The following GRIK2 variants were observed in gnomAD, a reference collection of about 807,000 sequenced individuals.
The protein encoded by GRIK2 is glutamate receptor ionotropic, kainate 2.
Under a neutral mutation model 100.3 loss-of-function variants are expected in GRIK2, and 32 were observed. That is an observed-to-expected ratio of 0.32 (90% CI 0.24 to 0.43). GRIK2 has a LOEUF of 0.43. Ranked by LOEUF, GRIK2 falls within the 20% of genes least tolerant of loss-of-function variation. GRIK2 has a pLI of 1.00. For synonymous variants in GRIK2, 417 were observed against 389.4 expected (o/e 1.07, Z -0.83); for missense variants, 843 against 1,114.9 (o/e 0.76, Z 3.47).
Position 101,834,192 on chromosome 6 carries a change from CTCTT to C in GRIK2, c.1317+15713_1317+15716del, listed in dbSNP as rs1167087784. Among the ~76,000 whole-genome samples, 3 of 151,946 alleles carry C rather than the reference CTCTT, an allele frequency of 2.0e-5. No homozygotes were observed. In the East Asian group the frequency reaches 5.8e-4, roughly 29 times the overall value. On this transcript the variant is annotated intron_variant, in intron 10 of 16. Coordinates refer to ENST00000369134, the MANE Select transcript of GRIK2 (RefSeq NM_021956.5). ...ATTTTATAATCTCAATTTACTGAAT[CTCTT>C]TCTCACATAAAATTCTTTGAGGCTT...
chr6:101,764,509 GAAGA>G (rs1777924913), intron 7 of GRIK2, among the ~76,000 whole-genome samples: 1 of 151,980 alleles, frequency 6.6e-6, no homozygotes, highest in Non-Finnish European at 1.5e-5. Context: ...GTGAGAGAAT[GAAGA>G]AATATGTGAA....
chr6:101,912,859 T>C (rs1268850613), intron 12 of GRIK2, among the ~76,000 whole-genome samples: 1 of 151,610 alleles, frequency 6.6e-6, no homozygotes, highest in Non-Finnish European at 1.5e-5. Context: ...CCACTCATTC[T>C]GTTGAAGAAA....
intron 4 of GRIK2, among the ~76,000 whole-genome samples, chr6:101,626,977 CAT>C (rs1780471222): frequency 6.6e-6 from 1 of 151,894 alleles, no homozygotes; most frequent in Non-Finnish European, 1.5e-5. Context: ...TACACACACA[CAT>C]ATGTATATAT....
chr6:101,671,715 T>C (rs551789741), intron 4 of GRIK2, among the ~76,000 whole-genome samples: 1 of 151,954 alleles, frequency 6.6e-6, no homozygotes, highest in Non-Finnish European at 1.5e-5. Flanking sequence ...AATACAAAAA[T>C]TATCCGGGTG....
At chr6:101,896,030 G>T (rs140722039) in intron 12 of GRIK2, among the ~76,000 whole-genome samples, 1 of 151,780 alleles carries the variant, frequency 6.6e-6, no homozygotes, top group African/African-American at 2.4e-5. Context: ...TTCCATAGTA[G>T]ATGAGGCTAC....
chr6:101,882,704 A>G (rs1176893622), intron 11 of GRIK2, among the ~76,000 whole-genome samples: 1 of 152,134 alleles, frequency 6.6e-6, no homozygotes, highest in African/African-American at 2.4e-5. Context: ...AACTAAATTA[A>G]TATTTCTAAA....
chr6:101,693,109 C>T (rs950311700), intron 7 of GRIK2, among the ~76,000 whole-genome samples: 2 of 151,958 alleles, frequency 1.3e-5, no homozygotes, highest in South Asian at 2.1e-4. Context: ...CTTTTCTCAT[C>T]CACAGATTAA....
Position 101,757,379 on chromosome 6 carries a change from A to G in GRIK2, c.952-42269A>G, listed in dbSNP as rs184132320. Among the ~76,000 whole-genome samples, 3 of 152,332 alleles carry G rather than the reference A, an allele frequency of 2.0e-5. No individual in the cohort carries two copies. The South Asian group carries it at 6.2e-4, about 32-fold the overall frequency. On this transcript the variant is annotated intron_variant, in intron 7 of 16. Transcript: ENST00000369134. ...ATAGTAAGGAAGAAAAATCATGAAT[A>G]TGTTAAATTATTAAAATGTAAACAA...
intron 7 of GRIK2, among the ~76,000 whole-genome samples, chr6:101,726,012 C>T (rs974823187): frequency 9.9e-5 from 15 of 151,764 alleles, no homozygotes; most frequent in Non-Finnish European, 1.9e-4. Flanking sequence ...ATATCTAAAT[C>T]TTAAAGTCAA....
intron 14 of GRIK2, among the ~76,000 whole-genome samples, chr6:102,000,945 TC>T (rs376874765): frequency 2.8e-4 from 42 of 152,240 alleles, no homozygotes; most frequent in African/African-American, 9.4e-4. Context: ...CATTTGTTTT[TC>T]TTTTTCTAAT....
intron 4 of GRIK2, among the ~76,000 whole-genome samples, chr6:101,627,102 T>C (rs1477728769): frequency 4.2e-5 from 6 of 142,122 alleles, no homozygotes; most frequent in African/African-American, 8.1e-5. Context: ...TGTGTGTGTG[T>C]GCGTGTGTGT....
intron 2 of GRIK2, among the ~76,000 whole-genome samples, chr6:101,453,647 C>A (rs1323206250): frequency 6.6e-6 from 1 of 151,798 alleles, no homozygotes; most frequent in Non-Finnish European, 1.5e-5. Flanking sequence ...AAATTCTTAA[C>A]TTTTTTGTGA....
intron 2 of GRIK2, among the ~76,000 whole-genome samples, chr6:101,551,669 C>T (rs1352599103): frequency 6.6e-6 from 1 of 152,114 alleles, no homozygotes; most frequent in Non-Finnish European, 1.5e-5. Context: ...AAGACAAAGC[C>T]TCTGCCCCTA....
chr6:101,870,479 G>C (rs1175899536), intron 11 of GRIK2, among the ~76,000 whole-genome samples: 1 of 151,758 alleles, frequency 6.6e-6, no homozygotes, highest in Non-Finnish European at 1.5e-5. Flanking sequence ...CTCTGTGTAG[G>C]TGTCAATGTC....
intron 14 of GRIK2, among the ~76,000 whole-genome samples, chr6:101,994,076 A>C (rs186091013): frequency 6.7e-6 from 1 of 149,934 alleles, no homozygotes; most frequent in South Asian, 2.1e-4. Flanking sequence ...AAATACATAC[A>C]TTATAAATGA....
intron 2 of GRIK2, among the ~76,000 whole-genome samples, chr6:101,532,248 T>C (rs1775478147): frequency 6.6e-6 from 1 of 151,978 alleles, no homozygotes; most frequent in Admixed American, 6.6e-5. Context: ...CTCTTTCTTC[T>C]ATTCTGAAGA....
intron 10 of GRIK2, among the ~76,000 whole-genome samples, chr6:101,846,309 T>C (rs753007752): frequency 2.6e-5 from 4 of 152,174 alleles, no homozygotes; most frequent in Admixed American, 1.3e-4. Flanking sequence ...ATTTAGATCA[T>C]GATAACTTTG....
At chr6:102,034,128 G>A (rs1466199120) in intron 14 of GRIK2, among the ~76,000 whole-genome samples, 1 of 151,276 alleles carries the variant, frequency 6.6e-6, no homozygotes, top group African/African-American at 2.4e-5. Context: ...TCACTGGGGA[G>A]CAAAGGTTTG....
chr6:101,958,570 T>C (rs1362925692), intron 14 of GRIK2, among the ~76,000 whole-genome samples: 1 of 151,990 alleles, frequency 6.6e-6, no homozygotes, highest in Non-Finnish European at 1.5e-5. Context: ...ATGTTGAATA[T>C]GAGAGGTAAA....
Sources: gnomAD v4.1 joint callset for allele counts (sites outside exome capture counted in the v4.1 genomes callset) on GRCh38, gnomAD v4.1.1 for gene constraint, MANE v1.5 for transcripts, NCBI Gene and HGNC (gene_info 2026-07-23, HGNC 2026-07-21) for gene names.